The following DNAAF11 variants were observed in gnomAD, a reference collection of about 807,000 sequenced individuals.
DNAAF11 encodes dynein axonemal assembly factor 11.
DNAAF11 carries 45 observed loss-of-function variants against 60.8 expected under a neutral mutation model. The observed-to-expected ratio is 0.74, with a 90% CI of 0.58 to 0.95. DNAAF11 has a LOEUF of 0.95. DNAAF11 is among the 40% of genes least tolerant of loss of function. The pLI, the probability that DNAAF11 is intolerant of heterozygous loss-of-function variation, is 0.00. For missense variants in DNAAF11, 546 were observed against 546.2 expected, an observed-to-expected ratio of 1.00 and a Z score of 0.00; for synonymous variants, 191 against 183.5, an observed-to-expected ratio of 1.04 and a Z score of -0.33.
chr8:132,691,866 A>T, the DNAAF11 span, among the ~76,000 whole-genome samples: 1 of 152,134 alleles, frequency 6.6e-6, no homozygotes, highest in East Asian at 1.9e-4. Context: ...TGGCTGGAGG[A>T]TTATGAACAA....
chr8:132,644,350 A>G (rs1197157907), intron 3 of DNAAF11, among the ~76,000 whole-genome samples: 1 of 152,186 alleles, frequency 6.6e-6, no homozygotes, highest in Non-Finnish European at 1.5e-5. Context: ...TGCATTTAAA[A>G]CACATCAATA....
chr8:132,633,806 G>A (rs1821037016), intron 4 of DNAAF11, among the ~76,000 whole-genome samples: 1 of 152,138 alleles, frequency 6.6e-6, no homozygotes. Context: ...TGTCTTTGGA[G>A]ATGGAGGAAG....
the DNAAF11 span, among the ~76,000 whole-genome samples, chr8:132,700,752 G>A: frequency 1.7e-3 from 262 of 152,164 alleles, 2 homozygotes; most frequent in African/African-American, 6.1e-3. Context: ...TACATCCATC[G>A]TCCCCAAGGT....
the DNAAF11 span, among the ~76,000 whole-genome samples, chr8:132,692,353 C>T: frequency 2.2e-4 from 34 of 152,154 alleles, no homozygotes; most frequent in Admixed American, 2.6e-4. Context: ...CTCCCAGGGA[C>T]GTTAGTCATT....
intron 10 of DNAAF11, among the ~76,000 whole-genome samples, chr8:132,606,592 A>C (rs1341994841): frequency 2.0e-5 from 3 of 152,238 alleles, no homozygotes; most frequent in Non-Finnish European, 2.9e-5. Context: ...TGTAGCCTCT[A>C]CCTCCCAGGT....
chr8:132,622,926 A>G, intron 6 of DNAAF11: 1 of 361,708 alleles, frequency 2.8e-6, no homozygotes, highest in East Asian at 4.3e-5. Context: ...CAAAAAAATG[A>G]CCAAGACAAT....
Position 132,632,939 on chromosome 8 carries a change from G to T in DNAAF11, c.454C>A (p.Pro152Thr), listed in dbSNP as rs751836811. ...TGCAATGCCTTAATCCTTTCTGAAG[G>T]CTCTATTTCTTTACCATCCAACCAC... Reference protein sequence around the residue: ...LKWLDGKEIEPSERIKALQDY... With the variant: ...LKWLDGKEIETSERIKALQDY... Residue 152 changes from proline (P) to threonine (T), a missense_variant, in exon 5 of 12, where the codon CCT becomes ACT. Pro to Thr is a conservative substitution (Grantham distance 38). Coordinates refer to ENST00000620350, the MANE Select transcript of DNAAF11 (RefSeq NM_012472.6). The T allele has an allele frequency of 6.2e-7, 1 of 1,612,650 alleles. No homozygotes were observed. The highest frequency in any genetic ancestry group is 2.2e-5 in the East Asian group (1 of 44,846).
the DNAAF11 span, chr8:132,685,005 G>A: frequency 1.5e-5 from 2 of 136,450 alleles, no homozygotes; most frequent in Non-Finnish European, 3.1e-5. Flanking sequence ...TCCGAGAAGG[G>A]TGGTGTTCAG....
At chr8:132,678,263 G>A (rs924248032), upstream of DNAAF11, among the ~76,000 whole-genome samples, 10 of 152,170 alleles carry the variant, frequency 6.6e-5, no homozygotes, top group African/African-American at 2.4e-4. Flanking sequence ...CCTAGACTGC[G>A]TGTTGCCACC....
At chr8:132,632,651 A>G (rs1296921230) in intron 5 of DNAAF11, 89 bp downstream of exon 5, 2 of 840,246 alleles carry the variant, frequency 2.4e-6, no homozygotes, top group African/African-American at 1.7e-5. Context: ...AATCTGGAAT[A>G]TAAGTGTACT....
intron 10 of DNAAF11, among the ~76,000 whole-genome samples, chr8:132,607,525 T>C (rs113360273): frequency 1.1e-4 from 16 of 152,226 alleles, no homozygotes; most frequent in African/African-American, 3.9e-4. Context: ...CTGATGAAAC[T>C]TGCATATTGG....
At chr8:132,647,060 C>T (rs1338201730) in intron 3 of DNAAF11, among the ~76,000 whole-genome samples, 1 of 152,234 alleles carries the variant, frequency 6.6e-6, no homozygotes, top group African/African-American at 2.4e-5. Context: ...AGCACCACAT[C>T]ACCCTTATTC....
At chr8:132,652,847 G>A (rs201784806) in intron 3 of DNAAF11, among the ~76,000 whole-genome samples, 21 of 152,128 alleles carry the variant, frequency 1.4e-4, no homozygotes, top group African/African-American at 4.1e-4. Flanking sequence ...TGTAGATGAC[G>A]GGTTGATGGG....
chr8:132,593,151 T>A (rs939236146), intron 10 of DNAAF11, among the ~76,000 whole-genome samples: 1 of 151,512 alleles, frequency 6.6e-6, no homozygotes, highest in Non-Finnish European at 1.5e-5. Flanking sequence ...TACATGATTA[T>A]ATAAAACTAA....
chr8:132,638,578 G>C (rs1475960109), intron 3 of DNAAF11, among the ~76,000 whole-genome samples: 8 of 152,116 alleles, frequency 5.3e-5, no homozygotes. Context: ...CAAAAAGAAA[G>C]GCATTTCATA....
At chr8:132,608,687 C>A (rs937497939) in intron 10 of DNAAF11, 4 of 235,434 alleles carry the variant, frequency 1.7e-5, no homozygotes, top group Admixed American at 1.4e-4. Context: ...TAGTGTTACA[C>A]AAATGTCTGT....
At chr8:132,657,871 C>T (rs1461786273) in intron 2 of DNAAF11, among the ~76,000 whole-genome samples, 1 of 152,102 alleles carries the variant, frequency 6.6e-6, no homozygotes, top group East Asian at 1.9e-4. Flanking sequence ...TTCACTTGTC[C>T]AAGGTTAAGT....
At chr8:132,600,896 T>C (rs995354736) in intron 10 of DNAAF11, among the ~76,000 whole-genome samples, 1 of 152,098 alleles carries the variant, frequency 6.6e-6, no homozygotes, top group Non-Finnish European at 1.5e-5. Flanking sequence ...CCAAAAGCAA[T>C]GGCAACCAAA....
chr8:132,610,099 G>C, intron 10 of DNAAF11, 67 bp downstream of exon 10: 1 of 1,116,154 alleles, frequency 9.0e-7, no homozygotes, highest in Admixed American at 1.7e-5. Flanking sequence ...CATTAGTCCT[G>C]ACAGGTCAAG....
Sources: allele counts gnomAD v4.1 joint callset (sites outside exome capture counted in the v4.1 genomes callset), GRCh38; gene constraint gnomAD v4.1.1; transcripts MANE v1.5; gene names NCBI Gene and HGNC (gene_info 2026-07-23, HGNC 2026-07-21).